DLGAP4: variants seen among roughly 807,000 people sequenced by gnomAD.
DLGAP4 encodes disks large-associated protein 4.
A neutral mutation model predicts 86.9 loss-of-function variants in DLGAP4; 18 were observed. The observed-to-expected ratio is 0.21, with a 90% CI of 0.14 to 0.31. DLGAP4 has a LOEUF of 0.31. Ranked by LOEUF, DLGAP4 falls within the 10% of genes least tolerant of loss-of-function variation. The pLI is 1.00. For synonymous variants in DLGAP4, 548 were observed against 574.3 expected (o/e 0.95, Z 0.65); for missense variants, 1,085 against 1,362.6 (o/e 0.80, Z 3.21).
At chr20:36,385,949 C>G (rs1344921255) in intron 2 of DLGAP4, among the ~76,000 whole-genome samples, 3 of 152,210 alleles carry the variant, frequency 2.0e-5, no homozygotes, top group Non-Finnish European at 4.4e-5. Context: ...GCTGCACCCT[C>G]CTCACACACC....
At chr20:36,374,768 G>T (rs999791163) in intron 2 of DLGAP4, among the ~76,000 whole-genome samples, 2 of 152,184 alleles carry the variant, frequency 1.3e-5, no homozygotes, top group African/African-American at 4.8e-5. Context: ...CTCCAGAGAT[G>T]GGGAGCTCAC....
At chr20:36,510,090 G>A (rs1177707838) in intron 10 of DLGAP4, among the ~76,000 whole-genome samples, 1 of 152,042 alleles carries the variant, frequency 6.6e-6, no homozygotes, top group Non-Finnish European at 1.5e-5. Context: ...GCCTGCCTCA[G>A]CCTCCCAAAG....
At chr20:36,418,415 T>C (rs1328373083) in intron 2 of DLGAP4, among the ~76,000 whole-genome samples, 1 of 152,034 alleles carries the variant, frequency 6.6e-6, no homozygotes, top group Admixed American at 6.6e-5. Context: ...GCCTGGCCCA[T>C]TTGGGGTTTT....
At chr20:36,388,437 T>A (rs2031675296) in intron 2 of DLGAP4, among the ~76,000 whole-genome samples, 1 of 151,894 alleles carries the variant, frequency 6.6e-6, no homozygotes, top group Non-Finnish European at 1.5e-5. Context: ...CACACGTCCC[T>A]CCCCCGTGGC....
chr20:36,391,715 C>A (rs567616327), intron 2 of DLGAP4, among the ~76,000 whole-genome samples: 1 of 152,318 alleles, frequency 6.6e-6, no homozygotes, highest in East Asian at 1.9e-4. Flanking sequence ...CACCCTTCAC[C>A]CCCCAGTCTA....
chr20:36,510,305 C>A (rs1569523582), intron 10 of DLGAP4, among the ~76,000 whole-genome samples: 1 of 151,810 alleles, frequency 6.6e-6, no homozygotes, highest in Non-Finnish European at 1.5e-5. Context: ...ACTCTGGCAC[C>A]CCATCTGAAG....
At chr20:36,402,752 T>A (rs6130679) in intron 2 of DLGAP4, among the ~76,000 whole-genome samples, 17,560 of 150,418 alleles carry the variant, frequency 0.12, 1,109 homozygotes, top group East Asian at 0.2. Context: ...TAAAAAAAAA[T>A]TTTTTTTTAT....
At chr20:36,315,724 A>G (rs2065092951) in intron 1 of DLGAP4, among the ~76,000 whole-genome samples, 1 of 152,092 alleles carries the variant, frequency 6.6e-6, no homozygotes, top group African/African-American at 2.4e-5. Flanking sequence ...TCCCACTGAA[A>G]GAAACTAGGC....
intron 7 of DLGAP4, among the ~76,000 whole-genome samples, chr20:36,456,140 C>G (rs577669223): frequency 6.6e-6 from 1 of 152,210 alleles, no homozygotes; most frequent in Non-Finnish European, 1.5e-5. Flanking sequence ...CTTATCCCAA[C>G]ATGCACGTGC....
At chr20:36,410,804 C>G (rs920327382) in intron 2 of DLGAP4, among the ~76,000 whole-genome samples, 2 of 152,054 alleles carry the variant, frequency 1.3e-5, no homozygotes, top group Non-Finnish European at 2.9e-5. Context: ...ACAGGGGATC[C>G]CATTCCAACA....
At chr20:36,478,347 T>G (rs1282674259) in intron 7 of DLGAP4, among the ~76,000 whole-genome samples, 1 of 152,098 alleles carries the variant, frequency 6.6e-6, no homozygotes, top group Non-Finnish European at 1.5e-5. Flanking sequence ...AGTCCCCTGC[T>G]TTTACAGATG....
chr20:36,320,872 C>T (rs1395225301), intron 1 of DLGAP4, among the ~76,000 whole-genome samples: 1 of 152,200 alleles, frequency 6.6e-6, no homozygotes, highest in Non-Finnish European at 1.5e-5. Context: ...CAAATCAGTC[C>T]TTGGCTCCCT....
chr20:36,351,504 A>T (rs1353261831), intron 1 of DLGAP4, among the ~76,000 whole-genome samples: 1 of 151,928 alleles, frequency 6.6e-6, no homozygotes, highest in Non-Finnish European at 1.5e-5. Context: ...TCACCCCCAG[A>T]TGGGACCATC....
At chr20:36,456,790 C>T (rs1285832723) in intron 7 of DLGAP4, among the ~76,000 whole-genome samples, 2 of 152,190 alleles carry the variant, frequency 1.3e-5, no homozygotes, top group African/African-American at 2.4e-5. Flanking sequence ...GCCTCCAATC[C>T]CAGGATTGAG....
chr20:36,345,302 T>C (rs539784529), intron 1 of DLGAP4, among the ~76,000 whole-genome samples: 2 of 152,312 alleles, frequency 1.3e-5, no homozygotes, highest in African/African-American at 4.8e-5. Flanking sequence ...GGTGCCATAA[T>C]TTGAAGCATG....
At chr20:36,356,335 G>A (rs911508065) in intron 1 of DLGAP4, among the ~76,000 whole-genome samples, 10 of 151,156 alleles carry the variant, frequency 6.6e-5, no homozygotes, top group South Asian at 2.1e-4. Flanking sequence ...GTTTTGAGAC[G>A]GAGTCTCGCT....
rs533797475 is a variant in DLGAP4 at position 36,432,799 on chromosome 20, C to T, written c.999+83C>T. The T allele has an allele frequency of 1.2e-5, 18 of 1,515,528 alleles. No homozygotes were observed. The highest frequency in any genetic ancestry group is 6.2e-5 in the Admixed American group (3 of 48,298). 93.9% of individuals were successfully genotyped at this position (1,515,528 alleles called of 1,614,324 possible). A position where few individuals can be genotyped will look rare whatever the true frequency, so the allele number is the denominator to read the frequency against. On this transcript the variant is annotated intron_variant, in intron 3 of 12. Transcript: ENST00000339266. The surrounding 1 kb of genome is among the most constrained non-coding windows in gnomAD (Gnocchi z 6.5). Reference sequence around the variant, plus strand: ...GAGGCCTAGACGTACCACAGATTCACTTGGAAAGTCACTTCATTCTGGGCC... The same window carrying T: ...GAGGCCTAGACGTACCACAGATTCATTTGGAAAGTCACTTCATTCTGGGCC...
chr20:36,351,193 G>A (rs1288331784), intron 1 of DLGAP4, among the ~76,000 whole-genome samples: 2 of 152,172 alleles, frequency 1.3e-5, no homozygotes, highest in Non-Finnish European at 2.9e-5. Context: ...TGCCATCTTT[G>A]TGCCATCTTT....
chr20:36,462,375 C>G, intron 7 of DLGAP4: 1 of 1,399,290 alleles, frequency 7.1e-7, no homozygotes. Flanking sequence ...CCACATCTGT[C>G]TCGGTGGTCT....
Sources: allele counts gnomAD v4.1 joint callset (sites outside exome capture counted in the v4.1 genomes callset), GRCh38; gene constraint gnomAD v4.1.1; non-coding constraint Gnocchi (gnomAD v3.1); transcripts MANE v1.5; gene names NCBI Gene and HGNC (gene_info 2026-07-23, HGNC 2026-07-21).